KCNN2: variants seen among roughly 807,000 people sequenced by gnomAD.
KCNN2 encodes the protein small conductance calcium-activated potassium channel protein 2.
A neutral mutation model predicts 55.5 loss-of-function variants in KCNN2; 24 were observed. That is an observed-to-expected ratio of 0.43 (90% CI 0.31 to 0.61). The LOEUF is 0.61. KCNN2 is among the 20% of genes least tolerant of loss of function. The pLI is 0.08. For missense variants in KCNN2, 754 were observed against 853.6 expected, an observed-to-expected ratio of 0.88 and a Z score of 1.45; for synonymous variants, 431 against 336.1, an observed-to-expected ratio of 1.28 and a Z score of -3.09.
chr5:114,232,829 T>A (rs184914625), intron 2 of KCNN2, among the ~76,000 whole-genome samples: 1 of 150,624 alleles, frequency 6.6e-6, no homozygotes, highest in East Asian at 1.9e-4. Context: ...AGGTCCGTGA[T>A]TGATTAGTGG....
chr5:114,466,250 A>G (rs562961657), intron 4 of KCNN2, among the ~76,000 whole-genome samples: 135 of 152,236 alleles, frequency 8.9e-4, no homozygotes, highest in African/African-American at 3.1e-3. Flanking sequence ...TATTTGAGGA[A>G]GTACTGAAGA....
chr5:114,338,316 C>A (rs913006755), intron 2 of KCNN2, among the ~76,000 whole-genome samples: 1 of 152,262 alleles, frequency 6.6e-6, no homozygotes, highest in Admixed American at 6.5e-5. Context: ...CCACTGATTT[C>A]TTCTAAATAT....
intron 4 of KCNN2, among the ~76,000 whole-genome samples, chr5:114,471,818 A>G (rs1472571267): frequency 6.6e-6 from 1 of 152,192 alleles, no homozygotes; most frequent in African/African-American, 2.4e-5. Context: ...CAATGTTTCC[A>G]TGATCATAAT....
intron 2 of KCNN2, among the ~76,000 whole-genome samples, chr5:114,254,859 T>G (rs187771819): frequency 6.1e-4 from 93 of 152,330 alleles, no homozygotes; most frequent in Non-Finnish European, 8.5e-4. Context: ...TTGGTAATGT[T>G]TTCAATTAAC....
Position 114,293,213 on chromosome 5 carries a change from C to A in KCNN2, c.-184-67732C>A, listed in dbSNP as rs1429133460. 3.9e-5 allele frequency among the ~76,000 whole-genome samples: 6 copies of A among 152,142 alleles called. No individual in the cohort carries two copies. In the East Asian group the frequency reaches 1.2e-3, roughly 29 times the overall value. ...TCTCCTGCCTGACTGCCCTGGCCAG[C>A]ACTTTCAACACTATGTTGAATAGGA... On this transcript the variant is annotated intron_variant, in intron 2 of 10. Coordinates refer to the KCNN2 transcript ENST00000512097.
At chr5:114,127,921 G>C (rs1427598470) in intron 1 of KCNN2, among the ~76,000 whole-genome samples, 1 of 152,078 alleles carries the variant, frequency 6.6e-6, no homozygotes, top group Non-Finnish European at 1.5e-5. Context: ...CTTTATTCCA[G>C]TTCCCAACAA....
intron 2 of KCNN2, among the ~76,000 whole-genome samples, chr5:114,338,663 C>A (rs1271199579): frequency 6.6e-6 from 1 of 152,148 alleles, no homozygotes; most frequent in East Asian, 1.9e-4. Context: ...TGGATATAAT[C>A]CATGAGCAGG....
chr5:114,084,933 C>T (rs1002771782), intron 1 of KCNN2, among the ~76,000 whole-genome samples: 2 of 151,764 alleles, frequency 1.3e-5, no homozygotes, highest in African/African-American at 4.8e-5. Context: ...CTTTGAATTG[C>T]CTTTACTCCT....
chr5:114,139,053 G>A (rs1251381923), intron 1 of KCNN2, among the ~76,000 whole-genome samples: 1 of 152,078 alleles, frequency 6.6e-6, no homozygotes, highest in Non-Finnish European at 1.5e-5. Flanking sequence ...TGCTTTTCTT[G>A]AGTAATTGGG....
At chr5:114,344,127 G>C (rs1757065753) in intron 2 of KCNN2, among the ~76,000 whole-genome samples, 1 of 152,160 alleles carries the variant, frequency 6.6e-6, no homozygotes, top group African/African-American at 2.4e-5. Flanking sequence ...CAAAATGTGA[G>C]GTTGAGGGCA....
intron 2 of KCNN2, among the ~76,000 whole-genome samples, chr5:114,277,995 G>C (rs890134862): frequency 5.3e-5 from 8 of 151,918 alleles, no homozygotes; most frequent in Admixed American, 3.9e-4. Flanking sequence ...TTTGGTCTTT[G>C]GTGTTGGTGA....
At chr5:114,203,634 G>A (rs1405148344) in intron 1 of KCNN2, among the ~76,000 whole-genome samples, 1 of 152,132 alleles carries the variant, frequency 6.6e-6, no homozygotes, top group Non-Finnish European at 1.5e-5. Context: ...AGATATTGTG[G>A]AAGAAGCAAA....
At chr5:114,127,058 A>AGG (rs1347411693) in intron 1 of KCNN2, among the ~76,000 whole-genome samples, 1 of 152,180 alleles carries the variant, frequency 6.6e-6, no homozygotes, top group East Asian at 1.9e-4. Flanking sequence ...GTGGCTTTGC[A>AGG]GGGTACAGCC....
intron 1 of KCNN2, among the ~76,000 whole-genome samples, chr5:114,137,284 T>G (rs1752193045): frequency 6.6e-6 from 1 of 152,148 alleles, no homozygotes. Context: ...AGTCAACCCA[T>G]TCCCATCCTT....
At position 114,496,440 on chromosome 5, in the gene KCNN2, C is replaced by T. The variant is rs1388311187; in HGVS notation, c.*258C>T. On this transcript the variant is annotated 3_prime_UTR_variant, in exon 8 of 8. Coordinates refer to ENST00000673685, the MANE Select transcript of KCNN2 (RefSeq NM_021614.4). ...TCACTAACTTTTTATTCATGCACTT[C>T]AAACAAACTTTACTACTACATTATA... 1 of 394,670 alleles carries T rather than the reference C, an allele frequency of 2.5e-6. No homozygotes were observed. Among genetic ancestry groups the T allele is most frequent in the African/African-American group, 2.0e-5 (1 of 49,532 alleles). 24.4% of individuals were successfully genotyped at this position (394,670 alleles called of 1,614,324 possible).
At chr5:114,378,715 G>T (rs1053657798) in intron 2 of KCNN2, among the ~76,000 whole-genome samples, 1 of 152,004 alleles carries the variant, frequency 6.6e-6, no homozygotes, top group Non-Finnish European at 1.5e-5. Flanking sequence ...CCATGGTGCT[G>T]CATAACTTAG....
intron 3 of KCNN2, among the ~76,000 whole-genome samples, chr5:114,445,929 A>G (rs545790933): frequency 6.6e-6 from 1 of 152,328 alleles, no homozygotes; most frequent in East Asian, 1.9e-4. Flanking sequence ...CAGTATGGGC[A>G]GGATCACGGG....
intron 3 of KCNN2, among the ~76,000 whole-genome samples, chr5:114,460,309 C>G (rs2150112505): frequency 6.6e-6 from 1 of 152,256 alleles, no homozygotes; most frequent in Admixed American, 6.5e-5. Context: ...GCAGTGCAGT[C>G]TTGGCTCACT....
chr5:114,425,185 G>T (rs987772869), intron 3 of KCNN2, among the ~76,000 whole-genome samples: 1 of 152,326 alleles, frequency 6.6e-6, no homozygotes. Flanking sequence ...ATGGTGTGAA[G>T]AAGGGGCTTA....
Sources: gnomAD v4.1 joint callset for allele counts (sites outside exome capture counted in the v4.1 genomes callset) on GRCh38, gnomAD v4.1.1 for gene constraint, MANE v1.5 for transcripts, NCBI Gene and HGNC (gene_info 2026-07-23, HGNC 2026-07-21) for gene names.